Variants in PAPSS1 observed in about 807,000 individuals in gnomAD.
The protein encoded by PAPSS1 is 3'-phosphoadenosine 5'-phosphosulfate synthase 1.
In PAPSS1, 50 loss-of-function variants were observed where a neutral mutation model predicts 72.0. That is an observed-to-expected ratio of 0.69 (90% confidence interval 0.55 to 0.88). The LOEUF is 0.88. Among genes scored for constraint, PAPSS1 ranks in the 40% least tolerant of loss-of-function variants. The pLI, the probability that PAPSS1 is intolerant of heterozygous loss-of-function variation, is 0.00. For missense variants in PAPSS1, 657 were observed against 782.2 expected (o/e 0.84, Z 1.91); for synonymous variants, 261 against 263.6 (o/e 0.99, Z 0.09).
chr4:107,704,238 T>C lies in PAPSS1; in HGVS notation c.61-2953A>G, dbSNP rs143734429. On this transcript the variant is annotated intron_variant, in intron 1 of 11. Coordinates refer to ENST00000265174, the MANE Select transcript of PAPSS1 (RefSeq NM_005443.5). ...AAATTTATTTATTCTAACAGTCTTC[T>C]GGTGAAATCTTTAGGGTTTTCCATA... 1.7e-3 allele frequency among the ~76,000 whole-genome samples: 260 copies of C among 152,370 alleles called. 2 individuals are homozygous for C. The East Asian group carries it at 0.034, about 20-fold the overall frequency.
At chr4:107,677,050 A>T (rs575476671) in intron 5 of PAPSS1, among the ~76,000 whole-genome samples, 26 of 152,354 alleles carry the variant, frequency 1.7e-4, no homozygotes, top group African/African-American at 6.0e-4. Context: ...TGGATTAAAG[A>T]CTTAAATGTT....
chr4:107,707,224 G>C (rs866261855), intron 1 of PAPSS1, among the ~76,000 whole-genome samples: 64 of 152,284 alleles, frequency 4.2e-4, no homozygotes, highest in African/African-American at 1.4e-3. Flanking sequence ...GCTCTCAGCT[G>C]GTCTGAAACC....
chr4:107,719,425 G>A (rs1176775200), intron 1 of PAPSS1, among the ~76,000 whole-genome samples: 1 of 152,142 alleles, frequency 6.6e-6, no homozygotes, highest in Non-Finnish European at 1.5e-5. Flanking sequence ...ACTTTACAAA[G>A]TCAACTGGCA....
intron 11 of PAPSS1, among the ~76,000 whole-genome samples, chr4:107,623,347 C>T (rs1193660675): frequency 6.6e-6 from 1 of 151,752 alleles, no homozygotes; most frequent in Non-Finnish European, 1.5e-5. Context: ...TAAAACTGTT[C>T]ATTAAGTATA....
chr4:107,701,749 C>T (rs1361325306), intron 1 of PAPSS1, among the ~76,000 whole-genome samples: 1 of 152,122 alleles, frequency 6.6e-6, no homozygotes. Flanking sequence ...AACTTAACTA[C>T]AACATCAGAG....
At chr4:107,646,373 T>C (rs1578395824) in intron 9 of PAPSS1, among the ~76,000 whole-genome samples, 6 of 149,652 alleles carry the variant, frequency 4.0e-5, no homozygotes, top group Admixed American at 2.7e-4. Flanking sequence ...CTTAGTTTTG[T>C]CCACTTTTTT....
intron 5 of PAPSS1, among the ~76,000 whole-genome samples, chr4:107,668,513 C>T (rs1209565472): frequency 1.3e-5 from 2 of 152,082 alleles, no homozygotes; most frequent in African/African-American, 4.8e-5. Context: ...GCTAGGAAAC[C>T]CAGACCCATT....
chr4:107,701,289 G>GA lies in PAPSS1; in HGVS notation c.61-5dup, dbSNP rs1481764741. ...CATTGGTTGCTCTCTGCATTCCCTA[G>GA]AAAAAAAAGAAAAAAAAAATTCTAG... On this transcript the variant is annotated splice_region_variant and splice_polypyrimidine_tract_variant and intron_variant, in intron 1 of 11. Coordinates refer to ENST00000265174, the MANE Select transcript of PAPSS1 (RefSeq NM_005443.5). The GA allele has an allele frequency of 4.9e-5, 75 of 1,523,492 alleles. No homozygotes were observed. Among genetic ancestry groups the GA allele is most frequent in the Middle Eastern group, 1.7e-4 (1 of 5,776 alleles). The allele number at this position is 1,523,492 out of a possible 1,614,324, so 94.4% of individuals were successfully genotyped here.
intron 1 of PAPSS1, among the ~76,000 whole-genome samples, chr4:107,716,704 G>A (rs1030175727): frequency 6.6e-6 from 1 of 152,142 alleles, no homozygotes; most frequent in Non-Finnish European, 1.5e-5. Context: ...TATATCTGAC[G>A]CTTTATCAGA....
chr4:107,648,600 C>T (rs963072866), intron 9 of PAPSS1, among the ~76,000 whole-genome samples: 39 of 152,302 alleles, frequency 2.6e-4, no homozygotes, highest in African/African-American at 8.4e-4. Flanking sequence ...TGTAAGACTG[C>T]GCTACATAGA....
At chr4:107,625,570 A>G (rs916437433) in intron 11 of PAPSS1, among the ~76,000 whole-genome samples, 1 of 152,234 alleles carries the variant, frequency 6.6e-6, no homozygotes, top group Non-Finnish European at 1.5e-5. Flanking sequence ...AACAGGGTTC[A>G]GTCTGACAGT....
At chr4:107,640,937 A>G (rs536688288) in intron 10 of PAPSS1, among the ~76,000 whole-genome samples, 1 of 152,140 alleles carries the variant, frequency 6.6e-6, no homozygotes, top group African/African-American at 2.4e-5. Context: ...GCAGGCACCC[A>G]GAACAACTAA....
chr4:107,672,097 T>C (rs899631587), intron 5 of PAPSS1, among the ~76,000 whole-genome samples: 7 of 152,194 alleles, frequency 4.6e-5, no homozygotes, highest in Non-Finnish European at 1.0e-4. Context: ...GGTGCCAAGA[T>C]GGCCGAATAG....
At position 107,664,911 on chromosome 4, in the gene PAPSS1, T is replaced by A. The variant is rs1232735960; in HGVS notation, c.670-4839A>T. Among the ~76,000 whole-genome samples, 3 of 152,336 alleles carry A rather than the reference T, an allele frequency of 2.0e-5. No homozygotes were observed. In the East Asian group the frequency reaches 5.8e-4, roughly 29 times the overall value. ...TATTTTGTTTTTGAGTCAAAATAAC[T>A]TTTTCATTAGAAGCATTTCATAAAA... On this transcript the variant is annotated intron_variant, in intron 5 of 11. Coordinates refer to ENST00000265174, the MANE Select transcript of PAPSS1 (RefSeq NM_005443.5).
At chr4:107,628,299 C>T (rs940989312) in intron 11 of PAPSS1, among the ~76,000 whole-genome samples, 2 of 152,146 alleles carry the variant, frequency 1.3e-5, no homozygotes, top group South Asian at 4.1e-4. Flanking sequence ...ATTTCTTTCT[C>T]CAGACAACTT....
intron 4 of PAPSS1, 70 bp downstream of exon 4, chr4:107,686,969 A>C (rs1722802601): frequency 1.4e-6 from 2 of 1,394,048 alleles, no homozygotes; most frequent in Admixed American, 4.3e-5. Flanking sequence ...TCTCTTAGAA[A>C]ATATCAATCC....
chr4:107,677,754 C>G (rs930797077), intron 5 of PAPSS1, among the ~76,000 whole-genome samples: 1 of 152,150 alleles, frequency 6.6e-6, no homozygotes, highest in African/African-American at 2.4e-5. Flanking sequence ...TATTGTGGCA[C>G]TATTCACCAT....
intron 9 of PAPSS1, among the ~76,000 whole-genome samples, chr4:107,652,082 A>G (rs1025321987): frequency 6.6e-6 from 1 of 152,178 alleles, no homozygotes; most frequent in African/African-American, 2.4e-5. Context: ...AGTTGCTTGG[A>G]ACGAGGGCCT....
chr4:107,645,415 T>TA (rs1726666257), intron 9 of PAPSS1, among the ~76,000 whole-genome samples: 1 of 152,172 alleles, frequency 6.6e-6, no homozygotes, highest in South Asian at 2.1e-4. Flanking sequence ...TTACCATAGA[T>TA]AAACATTTTT....
Sources: gnomAD v4.1 joint callset for allele counts (sites outside exome capture counted in the v4.1 genomes callset) on GRCh38, gnomAD v4.1.1 for gene constraint, MANE v1.5 for transcripts, NCBI Gene and HGNC (gene_info 2026-07-23, HGNC 2026-07-21) for gene names.